KBTBD11: variants seen among roughly 807,000 people sequenced by gnomAD.
KBTBD11 encodes kelch repeat and BTB domain containing 11, also known as kelch repeat and BTB domain-containing protein 11.
For synonymous variants in KBTBD11, 747 were observed against 499.0 expected (o/e 1.50, Z -6.63); for missense variants, 1,390 against 1,001.8 (o/e 1.39, Z -5.23).
At chr8:1,984,831 C>G (rs979645147) in intron 1 of KBTBD11, among the ~76,000 whole-genome samples, 1 of 152,128 alleles carries the variant, frequency 6.6e-6, no homozygotes, top group Non-Finnish European at 1.5e-5. Flanking sequence ...GGAAATGAAA[C>G]CCCACTTTAA....
At chr8:1,975,872 A>G (rs150653570) in intron 1 of KBTBD11, 18 of 152,316 alleles carry the variant, frequency 1.2e-4, no homozygotes, top group African/African-American at 4.3e-4. Flanking sequence ...ACCCGCTTCA[A>G]TGGGGTTTCC....
chr8:1,987,902 G>A (rs191040187), intron 1 of KBTBD11, among the ~76,000 whole-genome samples: 2 of 152,026 alleles, frequency 1.3e-5, no homozygotes, highest in African/African-American at 4.8e-5. Context: ...CCCCCGACGG[G>A]CCCCGGTGTG....
chr8:1,983,415 G>A (rs1206628858), intron 1 of KBTBD11, among the ~76,000 whole-genome samples: 1 of 152,168 alleles, frequency 6.6e-6, no homozygotes. Context: ...TTGTAACCCT[G>A]TGCCTGCCAC....
In KBTBD11 at chr8:2,003,430, A is replaced by T. The variant is rs1403101607; in HGVS notation, c.*366A>T. The T allele has an allele frequency of 9.6e-6, 2 of 209,176 alleles. No individual in the cohort carries two copies. The highest frequency in any genetic ancestry group is 4.6e-5 in the African/African-American group (2 of 43,046). 13.0% of individuals were successfully genotyped at this position (209,176 alleles called of 1,614,324 possible). A position where few individuals can be genotyped will look rare whatever the true frequency, so the allele number is the denominator to read the frequency against. On this transcript the variant is annotated 3_prime_UTR_variant, in exon 2 of 2. Transcript: ENST00000320248. The stretch of plus-strand genomic sequence containing the variant: ...CCCGCAGAGCACCGAGGCTGTGCGC[A>T]GGAGCCTGGGACCCTCAAGTAGGTC...
At chr8:1,993,970 G>A (rs1408434176) in intron 1 of KBTBD11, among the ~76,000 whole-genome samples, 1 of 105,676 alleles carries the variant, frequency 9.5e-6, no homozygotes, top group Non-Finnish European at 2.2e-5. Flanking sequence ...AAACCCCATA[G>A]ATGGTTTATC....
Position 2,002,808 on chromosome 8 carries a change from C to T in KBTBD11, c.1616C>T (p.Ala539Val), listed in dbSNP as rs1348728657. Residue 539 changes from alanine (A) to valine (V), a missense_variant, in exon 2 of 2, where the codon GCG (alanine) becomes GTG (valine). Coordinates refer to ENST00000320248, the MANE Select transcript of KBTBD11 (RefSeq NM_014867.3). This position sits in a 1 kb window ranked among gnomAD's most constrained non-coding sequence, Gnocchi z 4.1. Reference sequence around the variant, plus strand: ...GCCAAGCAGTGGAGCCCGTGCGTCGCGCCCCTGCGCCTCCCCGGCGGCCCC... The same window carrying T: ...GCCAAGCAGTGGAGCCCGTGCGTCGTGCCCCTGCGCCTCCCCGGCGGCCCC... The part of the protein sequence containing the change: ...CLAKQWSPCV[A>V]PLRLPGGPTG... 7 of 1,437,330 alleles carry T rather than the reference C, an allele frequency of 4.9e-6. No homozygotes were observed. Among genetic ancestry groups the T allele is most frequent in the Middle Eastern group, 4.6e-4 (2 of 4,304 alleles). 89.0% of individuals were successfully genotyped at this position (1,437,330 alleles called of 1,614,324 possible).
At position 1,974,660 on chromosome 8, in the gene KBTBD11, C is replaced by G. The variant is rs374033472; in HGVS notation, c.-909+725C>G. ...CCTGCCGGGCGCCCCTTGCAGCCCC[C>G]GCCCCATGTGCTGGGGAGACCCCCG... On this transcript the variant is annotated intron_variant, in intron 1 of 1. Coordinates refer to ENST00000320248, the MANE Select transcript of KBTBD11 (RefSeq NM_014867.3). 3.6e-5 allele frequency: 35 copies of G among 985,246 alleles called. No homozygotes were observed. The African/African-American group carries it at 5.1e-4, about 14-fold the overall frequency. 61.0% of individuals were successfully genotyped at this position (985,246 alleles called of 1,614,324 possible).
intron 1 of KBTBD11, among the ~76,000 whole-genome samples, chr8:1,981,839 A>G (rs907762630): frequency 6.6e-6 from 1 of 152,068 alleles, no homozygotes; most frequent in East Asian, 1.9e-4. Context: ...GGACTGAGTT[A>G]TTCTATTCGC....
In KBTBD11 at chr8:1,973,816, G is replaced by A; in HGVS notation, c.-1028G>A. The A allele has an allele frequency of 8.1e-6, 8 of 983,340 alleles. No homozygotes were observed. Among genetic ancestry groups the A allele is most frequent in the Non-Finnish European group, 9.6e-6 (8 of 829,160 alleles). 60.9% of individuals were successfully genotyped at this position (983,340 alleles called of 1,614,324 possible). A position where few individuals can be genotyped will look rare whatever the true frequency, so the allele number is the denominator to read the frequency against. On this transcript the variant is annotated 5_prime_UTR_variant, in exon 1 of 2. Transcript: ENST00000320248. ...GGAGGAGCAGCTCCCGCTCGCAGGT[G>A]CTCGGAGAGGCCGGGCCGCGGCTCC... is the stretch of plus-strand genomic sequence containing the variant.
In KBTBD11 at chr8:2,002,813, C is replaced by G. The variant is rs1406805218; in HGVS notation, c.1621C>G (p.Leu541Val). 9 of 1,436,652 alleles carry G rather than the reference C, an allele frequency of 6.3e-6. No homozygotes were observed. In the Admixed American group the frequency reaches 8.6e-5, roughly 14 times the overall value. 89.0% of individuals were successfully genotyped at this position (1,436,652 alleles called of 1,614,324 possible). Residue 541 changes from leucine to valine, a missense_variant, in exon 2 of 2, where the codon CTG becomes GTG. Leu to Val is a conservative substitution (Grantham distance 32). Transcript: ENST00000320248. This position sits in a 1 kb window ranked among gnomAD's most constrained non-coding sequence, Gnocchi z 4.1. ...GCAGTGGAGCCCGTGCGTCGCGCCCCTGCGCCTCCCCGGCGGCCCCACGGG... is the reference window on the plus strand; with the variant it reads ...GCAGTGGAGCCCGTGCGTCGCGCCCGTGCGCCTCCCCGGCGGCCCCACGGG... ...AKQWSPCVAPLRLPGGPTGLQ... is the reference protein window; with the variant it reads ...AKQWSPCVAPVRLPGGPTGLQ...
At position 1,973,730 on chromosome 8, in the gene KBTBD11, C is replaced by A; in HGVS notation, c.-1114C>A. ...GAGCCGGAGCGCTGGCTCCGCGCGG[C>A]CTGGAGAGGCGGAGAGGCCTGTCCA... On this transcript the variant is annotated 5_prime_UTR_variant, in exon 1 of 2. Transcript: ENST00000320248. The A allele has an allele frequency of 1.0e-6, 1 of 983,826 alleles. No homozygotes were observed. The highest frequency in any genetic ancestry group is 1.2e-6 in the Non-Finnish European group (1 of 829,348). The allele number at this position is 983,826 out of a possible 1,614,324, so 60.9% of individuals were successfully genotyped here.
intron 1 of KBTBD11, among the ~76,000 whole-genome samples, chr8:1,976,653 C>T (rs2129307548): frequency 6.6e-6 from 1 of 152,168 alleles, no homozygotes; most frequent in South Asian, 2.1e-4. Flanking sequence ...CTGCTATCTG[C>T]AGCTGAGACG....
rs5888893 is a variant in KBTBD11, at chr8:2,005,476, CAG to C, written c.*2416_*2417del. On this transcript the variant is annotated 3_prime_UTR_variant, in exon 2 of 2. Coordinates refer to ENST00000320248, the MANE Select transcript of KBTBD11 (RefSeq NM_014867.3). ...GCCGCTAGGGTTTGCACCCATGAAA[CAG>C]AGAAAAGCCACACCCTCCAAGGTGT... 0.79 allele frequency: 132,568 copies of C among 166,756 alleles called. 52,939 individuals are homozygous for C. The highest frequency in any genetic ancestry group is 1 in the East Asian group (5,134 of 5,156). The allele number at this position is 166,756 out of a possible 1,614,324, so 10.3% of individuals were successfully genotyped here. A position where few individuals can be genotyped will look rare whatever the true frequency, so the allele number is the denominator to read the frequency against.
At chr8:1,997,885 G>A (rs992159645) in intron 1 of KBTBD11, among the ~76,000 whole-genome samples, 1 of 152,238 alleles carries the variant, frequency 6.6e-6, no homozygotes, top group East Asian at 1.9e-4. Context: ...GACAGAATAC[G>A]ATAGGGCCAC....
chr8:1,974,469 GT>G, intron 1 of KBTBD11: 1 of 981,204 alleles, frequency 1.0e-6, no homozygotes, highest in African/African-American at 1.8e-5. Context: ...GGGATCGGCT[GT>G]CCGGAGCGAA....
At chr8:1,991,254 C>T (rs1031512182) in intron 1 of KBTBD11, among the ~76,000 whole-genome samples, 2 of 152,240 alleles carry the variant, frequency 1.3e-5, no homozygotes, top group African/African-American at 2.4e-5. Flanking sequence ...GCGGCTGCAC[C>T]GTGCTCTTTA....
At chr8:1,994,115 A>G (rs756821008) in intron 1 of KBTBD11, among the ~76,000 whole-genome samples, 2 of 152,120 alleles carry the variant, frequency 1.3e-5, no homozygotes, top group Non-Finnish European at 2.9e-5. Context: ...AAGAATATCT[A>G]TTGTATAAAA....
intron 1 of KBTBD11, chr8:1,974,812 AC>A: frequency 2.2e-6 from 1 of 462,242 alleles, no homozygotes; most frequent in Non-Finnish European, 2.8e-6. Context: ...TTCCCCCTCC[AC>A]CCACTCCAGT....
At position 2,003,149 on chromosome 8, in the gene KBTBD11, G is replaced by T. The variant is rs543494230; in HGVS notation, c.*85G>T. 2.8e-5 allele frequency: 35 copies of T among 1,247,130 alleles called. No individual in the cohort carries two copies. The African/African-American group carries it at 5.1e-4, about 18-fold the overall frequency. The allele number at this position is 1,247,130 out of a possible 1,614,324, so 77.3% of individuals were successfully genotyped here. A position where few individuals can be genotyped will look rare whatever the true frequency, so the allele number is the denominator to read the frequency against. ...GGCCCGCGGAGGAGGACGTGGTGGG[G>T]AGTCGGGGCCGCTGGCCACGCTGGT... On this transcript the variant is annotated 3_prime_UTR_variant, in exon 2 of 2. Transcript: ENST00000320248.
Sources: allele counts gnomAD v4.1 joint callset (sites outside exome capture counted in the v4.1 genomes callset), GRCh38; gene constraint gnomAD v4.1.1; non-coding constraint Gnocchi (gnomAD v3.1); transcripts MANE v1.5; gene names NCBI Gene and HGNC (gene_info 2026-07-23, HGNC 2026-07-21).